The following PWWP2A variants were observed in gnomAD, a reference collection of about 807,000 sequenced individuals.
The protein encoded by PWWP2A is PWWP domain containing 2A, also known as PWWP domain-containing protein 2A.
PWWP2A carries 18 observed loss-of-function variants against 48.5 expected under a neutral mutation model. The ratio of observed to expected loss-of-function variants is 0.37; its 90% confidence interval spans 0.26 to 0.55. The LOEUF (loss-of-function observed/expected upper bound fraction) is 0.55, where lower values mean the gene tolerates loss of function less well. Among genes scored for constraint, PWWP2A ranks in the 20% least tolerant of loss-of-function variants. The pLI is 0.81. For missense variants in PWWP2A, 867 were observed against 976.4 expected (o/e 0.89, Z 1.49); for synonymous variants, 396 against 387.7 (o/e 1.02, Z -0.25).
intron 1 of PWWP2A, among the ~76,000 whole-genome samples, chr5:160,114,537 C>T (rs1406935318): frequency 3.3e-5 from 5 of 151,342 alleles, no homozygotes; most frequent in Non-Finnish European, 7.4e-5. Context: ...CCAAGGCGGG[C>T]GGATCACCTG....
the PWWP2A span, among the ~76,000 whole-genome samples, chr5:160,048,979 A>G: frequency 6.6e-6 from 1 of 151,890 alleles, no homozygotes; most frequent in Non-Finnish European, 1.5e-5. Context: ...TCACTCTTTC[A>G]CTGCGCACTT....
At chr5:160,095,683 G>A (rs187072449) in intron 1 of PWWP2A, among the ~76,000 whole-genome samples, 1 of 108,842 alleles carries the variant, frequency 9.2e-6, no homozygotes, top group Admixed American at 1.2e-4. Flanking sequence ...TCTCCGAAAT[G>A]TTCTTTTTTT....
intron 1 of PWWP2A, among the ~76,000 whole-genome samples, chr5:160,109,772 AAAATATATAT>A (rs1428979168): frequency 1.8e-3 from 49 of 27,858 alleles, no homozygotes; most frequent in East Asian, 5.3e-3. Flanking sequence ...AAAAAAAAAA[AAAATATATAT>A]ATATATATAT....
At chr5:160,086,802 G>T (rs73311137), downstream of PWWP2A, among the ~76,000 whole-genome samples, 1,951 of 152,252 alleles carry the variant, frequency 0.013, 48 homozygotes, top group African/African-American at 0.045. Context: ...TTTGTCAATT[G>T]TGAATATGGA....
At position 160,093,630 on chromosome 5, in the gene PWWP2A, A is replaced by G. The variant is rs1407713480; in HGVS notation, c.1020T>C (p.Ser340=). Residue 340 remains serine (S), a synonymous_variant, in exon 2 of 2, where the codon AGT becomes AGC. Coordinates refer to ENST00000307063, the MANE Select transcript of PWWP2A (RefSeq NM_001130864.2). This position sits in a 1 kb window ranked among gnomAD's most constrained non-coding sequence, Gnocchi z 5.8. ...VAEKKEIRKG[S]SATDSSKYED... is the part of the protein sequence containing the mutation. Reference sequence around the variant, plus strand: ...CATATTTAGAAGAGTCAGTTGCACTACTACCTTTTCTAATTTCCTTTTTTT... The same window carrying G: ...CATATTTAGAAGAGTCAGTTGCACTGCTACCTTTTCTAATTTCCTTTTTTT... 1.1e-5 allele frequency: 18 copies of G among 1,614,012 alleles called. No homozygotes were observed. The highest frequency in any genetic ancestry group is 4.0e-5 in the African/African-American group (3 of 75,028).
At chr5:160,074,442 AAAAT>A (rs70987994), downstream of PWWP2A, among the ~76,000 whole-genome samples, 11 of 150,942 alleles carry the variant, frequency 7.3e-5, 1 homozygote, top group South Asian at 4.2e-4. Flanking sequence ...CTGTCTCAAA[AAAAT>A]AAATAAATAA....
the PWWP2A span, among the ~76,000 whole-genome samples, chr5:160,052,903 A>C: frequency 6.6e-6 from 1 of 152,226 alleles, no homozygotes; most frequent in Non-Finnish European, 1.5e-5. Context: ...CATTAGACTT[A>C]ACCAACTTAA....
chr5:160,090,850 C>T (rs1371009760), downstream of PWWP2A: 3 of 984,744 alleles, frequency 3.0e-6, no homozygotes, highest in East Asian at 2.3e-4. Context: ...CTTGCCTCCA[C>T]AGCCAATCAG....
chr5:160,092,014 A>ATATATATATATATATATATATATATATG lies in PWWP2A; in HGVS notation c.*367_*368insCATATATATATATATATATATATATATA. On this transcript the variant is annotated 3_prime_UTR_variant, in exon 2 of 2. Transcript: ENST00000307063. Reference sequence around the variant, plus strand: ...TATGTGTGTATATATACATACACGGATATATATATATACACACACACACAC... The same window carrying ATATATATATATATATATATATATATATG: ...TATGTGTGTATATATACATACACGGATATATATATATATATATATATATATATGTATATATATATACACACACACACAC... 1 of 278,678 alleles carries ATATATATATATATATATATATATATATG rather than the reference A, an allele frequency of 3.6e-6. No individual in the cohort carries two copies. The highest frequency in any genetic ancestry group is 7.9e-5 in the African/African-American group (1 of 12,694). The allele number at this position is 278,678 out of a possible 1,614,324, so 17.3% of individuals were successfully genotyped here. A position where few individuals can be genotyped will look rare whatever the true frequency, so the allele number is the denominator to read the frequency against.
At chr5:160,072,945 A>C (rs1038741294), downstream of PWWP2A, among the ~76,000 whole-genome samples, 2 of 132,728 alleles carry the variant, frequency 1.5e-5, no homozygotes, top group South Asian at 5.1e-4. Flanking sequence ...CGGAAGTTGC[A>C]GTGTGCCGAG....
intron 1 of PWWP2A, among the ~76,000 whole-genome samples, chr5:160,107,172 T>G (rs1446418897): frequency 6.6e-6 from 1 of 152,104 alleles, no homozygotes; most frequent in Admixed American, 6.6e-5. Context: ...GATTGTTCTA[T>G]TAAATACTTT....
chr5:160,093,364 C>G lies in PWWP2A; in HGVS notation c.1286G>C (p.Arg429Pro), dbSNP rs774128941. The change falls in exon 2 of 2, where the codon CGG becomes CCG. Residue 429 changes from arginine to proline, a missense_variant. By Grantham distance (103) the Arg-to-Pro change is moderately radical. Transcript: ENST00000307063. This position sits in a 1 kb window ranked among gnomAD's most constrained non-coding sequence, Gnocchi z 5.8. ...QSKNMDHAKA[R>P]EVLKIAKEKA... is the part of the protein sequence containing the mutation. ...TTCTTTGGCAATTTTTAACACTTCCCGAGCTTTCGCATGATCCATGTTCTT... is the reference window on the plus strand; with the variant it reads ...TTCTTTGGCAATTTTTAACACTTCCGGAGCTTTCGCATGATCCATGTTCTT... 1 of 1,613,706 alleles carries G rather than the reference C, an allele frequency of 6.2e-7. No homozygotes were observed. Among genetic ancestry groups the G allele is most frequent in the African/African-American group, 1.3e-5 (1 of 74,904 alleles).
chr5:160,047,254 C>CCA, the PWWP2A span, among the ~76,000 whole-genome samples: 5 of 151,874 alleles, frequency 3.3e-5, no homozygotes, highest in African/African-American at 7.3e-5. Context: ...TGCCCAGCCC[C>CCA]CACACACACA....
chr5:160,094,891 CAA>C (rs1755450786), intron 1 of PWWP2A, among the ~76,000 whole-genome samples: 1 of 151,352 alleles, frequency 6.6e-6, no homozygotes, highest in African/African-American at 2.4e-5. Flanking sequence ...ACTAAAAATA[CAA>C]AAAGATTCGC....
chr5:160,072,728 CATAAATAA>C (rs34064564), downstream of PWWP2A, among the ~76,000 whole-genome samples: 3 of 150,900 alleles, frequency 2.0e-5, no homozygotes, highest in Non-Finnish European at 3.0e-5. Context: ...GACTCCGTCT[CATAAATAA>C]ATAAATAAAT....
the PWWP2A span, among the ~76,000 whole-genome samples, chr5:160,050,252 A>T: frequency 6.6e-6 from 1 of 152,198 alleles, no homozygotes; most frequent in Non-Finnish European, 1.5e-5. Context: ...GTTCGAGACC[A>T]GCCTGACCAA....
intron 1 of PWWP2A, among the ~76,000 whole-genome samples, chr5:160,109,180 C>T (rs1232327843): frequency 2.0e-5 from 3 of 152,068 alleles, no homozygotes; most frequent in African/African-American, 4.8e-5. Flanking sequence ...GATGGGGTTT[C>T]GCCATGTTGG....
intron 1 of PWWP2A, among the ~76,000 whole-genome samples, chr5:160,117,377 G>A (rs1403825253): frequency 4.6e-5 from 7 of 152,082 alleles, no homozygotes; most frequent in Non-Finnish European, 7.4e-5. Context: ...ACTTGAGGCC[G>A]GGCACGGCGG....
At chr5:160,048,234 C>G in the PWWP2A span, among the ~76,000 whole-genome samples, 1 of 147,010 alleles carries the variant, frequency 6.8e-6, no homozygotes, top group South Asian at 2.2e-4. Context: ...TGCACGCAAC[C>G]TCCGCCTCCT....
Sources: gnomAD v4.1 joint callset for allele counts (sites outside exome capture counted in the v4.1 genomes callset) on GRCh38, gnomAD v4.1.1 for gene constraint, Gnocchi (gnomAD v3.1) non-coding constraint, MANE v1.5 for transcripts, NCBI Gene and HGNC (gene_info 2026-07-23, HGNC 2026-07-21) for gene names.